The following KIF6 variants were observed in gnomAD, a reference collection of about 807,000 sequenced individuals.
The protein encoded by KIF6 is kinesin-like protein KIF6.
In KIF6, 106 loss-of-function variants were observed where a neutral mutation model predicts 112.7. That is an observed-to-expected ratio of 0.94 (90% CI 0.80 to 1.11). The LOEUF is 1.11. KIF6 is among the 50% of genes least tolerant of loss of function. The pLI is 0.00. For synonymous variants in KIF6, 339 were observed against 339.9 expected, an observed-to-expected ratio of 1.00 and a Z score of 0.03; for missense variants, 929 against 964.0, an observed-to-expected ratio of 0.96 and a Z score of 0.48.
intron 6 of KIF6, among the ~76,000 whole-genome samples, chr6:39,612,225 G>A (rs1057095501): frequency 1.3e-5 from 2 of 152,154 alleles, no homozygotes; most frequent in Admixed American, 6.5e-5. Context: ...GTCCCTTGAC[G>A]GAGATTTTTC....
At chr6:39,704,235 C>G (rs967372576) in intron 3 of KIF6, among the ~76,000 whole-genome samples, 14 of 152,146 alleles carry the variant, frequency 9.2e-5, no homozygotes, top group Non-Finnish European at 1.5e-5. Flanking sequence ...ATCACATATA[C>G]TGGGGCATGT....
At chr6:39,572,681 T>TTTTA (rs1554128231) in intron 10 of KIF6, among the ~76,000 whole-genome samples, 1 of 138,100 alleles carries the variant, frequency 7.2e-6, no homozygotes, top group African/African-American at 2.8e-5. Flanking sequence ...TTTTTTTTTT[T>TTTTA]ACCAAAGAAA....
intron 3 of KIF6, among the ~76,000 whole-genome samples, chr6:39,680,110 C>T (rs1787429894): frequency 6.6e-6 from 1 of 151,992 alleles, no homozygotes; most frequent in African/African-American, 2.4e-5. Flanking sequence ...CCGGGTTGAG[C>T]AATTCTCATG....
chr6:39,373,083 G>A (rs1256433401), intron 16 of KIF6, among the ~76,000 whole-genome samples: 1 of 152,184 alleles, frequency 6.6e-6, no homozygotes, highest in Non-Finnish European at 1.5e-5. Flanking sequence ...AGAGGGGCCA[G>A]CCATAATACA....
At chr6:39,356,283 T>C (rs575748718) in intron 19 of KIF6, among the ~76,000 whole-genome samples, 1 of 152,154 alleles carries the variant, frequency 6.6e-6, no homozygotes, top group African/African-American at 2.4e-5. Context: ...TTCTTTTTTT[T>C]TTTTGAGACG....
Position 39,498,557 on chromosome 6 carries a change from G to T in KIF6, c.1645+41446C>A, listed in dbSNP as rs118030170. On this transcript the variant is annotated intron_variant, in intron 13 of 22. Coordinates refer to ENST00000287152, the MANE Select transcript of KIF6 (RefSeq NM_145027.6). ...TTTTTTTTCCTTTGTGGGCCATATGGTCAGTGTTGCATCTACTCCATCTAT... is the reference window on the plus strand; with the variant it reads ...TTTTTTTTCCTTTGTGGGCCATATGTTCAGTGTTGCATCTACTCCATCTAT... 5.6e-4 allele frequency among the ~76,000 whole-genome samples: 85 copies of T among 152,194 alleles called. 1 individual carries two copies. In the East Asian group the frequency reaches 0.014, roughly 26 times the overall value.
intron 15 of KIF6, among the ~76,000 whole-genome samples, chr6:39,410,882 C>G (rs1286345001): frequency 6.6e-6 from 1 of 152,184 alleles, no homozygotes; most frequent in Non-Finnish European, 1.5e-5. Flanking sequence ...AGCTTCCTCC[C>G]CTTTGCTGCC....
chr6:39,711,277 T>TAAA (rs34784345), intron 3 of KIF6, among the ~76,000 whole-genome samples: 6 of 72,870 alleles, frequency 8.2e-5, no homozygotes, highest in South Asian at 4.6e-4. Context: ...ACCTGGAAAG[T>TAAA]AAAAAAAAAA....
At chr6:39,483,296 G>A (rs1286008821) in intron 13 of KIF6, among the ~76,000 whole-genome samples, 1 of 152,134 alleles carries the variant, frequency 6.6e-6, no homozygotes, top group Non-Finnish European at 1.5e-5. Flanking sequence ...CAGAATCAAT[G>A]GTGCCTGTAA....
At chr6:39,352,846 C>T (rs1689719190) in intron 19 of KIF6, among the ~76,000 whole-genome samples, 1 of 152,154 alleles carries the variant, frequency 6.6e-6, no homozygotes, top group African/African-American at 2.4e-5. Flanking sequence ...TCAAGTGATC[C>T]ACCCACCTTG....
At chr6:39,625,712 G>GC (rs1232840503) in intron 5 of KIF6, among the ~76,000 whole-genome samples, 1 of 152,140 alleles carries the variant, frequency 6.6e-6, no homozygotes, top group Non-Finnish European at 1.5e-5. Context: ...AAGGATGCAT[G>GC]CCTCATCTAA....
Position 39,510,216 on chromosome 6 carries a change from C to T in KIF6, c.1645+29787G>A, listed in dbSNP as rs1776690111. On this transcript the variant is annotated intron_variant, in intron 13 of 22. Coordinates refer to ENST00000287152, the MANE Select transcript of KIF6 (RefSeq NM_145027.6). ...TCATGCCATTCTCCTGCTTCAGCCT[C>T]CCGAGTACTGGGTCTACAGGCACCT... Among the ~76,000 whole-genome samples the T allele has an allele frequency of 2.0e-5, 3 of 151,710 alleles. No individual in the cohort carries two copies. In the South Asian group the frequency reaches 6.2e-4, roughly 32 times the overall value.
At chr6:39,486,176 G>A (rs759965056) in intron 13 of KIF6, among the ~76,000 whole-genome samples, 1 of 152,188 alleles carries the variant, frequency 6.6e-6, no homozygotes, top group Admixed American at 6.5e-5. Context: ...AAGATATCAC[G>A]GAAGTATCAC....
chr6:39,494,199 T>A (rs1775638734), intron 13 of KIF6, among the ~76,000 whole-genome samples: 5 of 152,362 alleles, frequency 3.3e-5, no homozygotes, highest in African/African-American at 1.2e-4. Flanking sequence ...GTGACTCTGG[T>A]AGTCTCTGGT....
At chr6:39,500,178 T>G (rs1245217884) in intron 13 of KIF6, among the ~76,000 whole-genome samples, 3 of 152,224 alleles carry the variant, frequency 2.0e-5, no homozygotes, top group African/African-American at 7.2e-5. Context: ...CATAGAAGGT[T>G]AACTGAATGG....
At chr6:39,606,323 A>G (rs182617956) in intron 6 of KIF6, among the ~76,000 whole-genome samples, 152 of 152,128 alleles carry the variant, frequency 1.0e-3, no homozygotes, top group Non-Finnish European at 1.6e-3. Flanking sequence ...AAAAACAAAG[A>G]TTGTCTTTAA....
intron 13 of KIF6, among the ~76,000 whole-genome samples, chr6:39,468,412 A>G (rs1000171936): frequency 6.6e-6 from 1 of 152,214 alleles, no homozygotes; most frequent in African/African-American, 2.4e-5. Flanking sequence ...AAAGAGATCC[A>G]GACCTAACTA....
intron 13 of KIF6, among the ~76,000 whole-genome samples, chr6:39,469,166 A>G (rs898291794): frequency 2.6e-5 from 4 of 152,148 alleles, no homozygotes; most frequent in Non-Finnish European, 4.4e-5. Context: ...CTAGGAAAAT[A>G]ACTCCAAAAT....
At chr6:39,503,788 T>A (rs1348770971) in intron 13 of KIF6, among the ~76,000 whole-genome samples, 1 of 140,210 alleles carries the variant, frequency 7.1e-6, no homozygotes, top group Non-Finnish European at 1.5e-5. Flanking sequence ...AGATAATGAA[T>A]CCCTGATTAG....
Sources: allele counts gnomAD v4.1 joint callset (sites outside exome capture counted in the v4.1 genomes callset), GRCh38; gene constraint gnomAD v4.1.1; transcripts MANE v1.5; gene names NCBI Gene and HGNC (gene_info 2026-07-23, HGNC 2026-07-21).